Variants in TENM2 observed in about 807,000 individuals in gnomAD.
TENM2 encodes the protein teneurin-2.
In TENM2, 52 loss-of-function variants were observed where a neutral mutation model predicts 245.2. That is an observed-to-expected ratio of 0.21 (90% CI 0.17 to 0.27). The LOEUF is 0.27. Among genes scored for constraint, TENM2 ranks in the 10% least tolerant of loss-of-function variants. The probability of loss-of-function intolerance (pLI) is 1.00; values close to 1 mark genes in which losing one functional copy is unlikely to be tolerated. For missense variants in TENM2, 3,046 were observed against 3,666.8 expected, an observed-to-expected ratio of 0.83 and a Z score of 4.37; for synonymous variants, 1,363 against 1,438.9, an observed-to-expected ratio of 0.95 and a Z score of 1.19.
chr5:167,296,847 G>C (rs1422949259), intron 1 of TENM2, among the ~76,000 whole-genome samples: 2 of 152,208 alleles, frequency 1.3e-5, no homozygotes, highest in African/African-American at 2.4e-5. Context: ...CAGCAGGGAG[G>C]CTACAGCAAA....
At chr5:167,843,097 T>C (rs1769701657) in intron 2 of TENM2, among the ~76,000 whole-genome samples, 2 of 152,180 alleles carry the variant, frequency 1.3e-5, no homozygotes, top group Admixed American at 1.3e-4. Context: ...TTGCCTGCCA[T>C]TGTGTCCTCA....
chr5:167,227,795 T>A, the TENM2 span, among the ~76,000 whole-genome samples: 75 of 152,346 alleles, frequency 4.9e-4, no homozygotes, highest in African/African-American at 1.6e-3. Flanking sequence ...GATGTCTAAA[T>A]GTCTTGCTAA....
At chr5:168,061,594 A>T (rs549979552) in intron 6 of TENM2, among the ~76,000 whole-genome samples, 1 of 152,106 alleles carries the variant, frequency 6.6e-6, no homozygotes, top group Non-Finnish European at 1.5e-5. Flanking sequence ...TTCATTTTCT[A>T]CTGAGTTGTT....
intron 19 of TENM2, among the ~76,000 whole-genome samples, chr5:168,204,864 C>T (rs1228943137): frequency 6.6e-6 from 1 of 152,242 alleles, no homozygotes; most frequent in Non-Finnish European, 1.5e-5. Flanking sequence ...AGTCTCCAGA[C>T]TGGAGAACAA....
At chr5:166,996,388 A>G in the TENM2 span, among the ~76,000 whole-genome samples, 1 of 152,186 alleles carries the variant, frequency 6.6e-6, no homozygotes, top group Non-Finnish European at 1.5e-5. Flanking sequence ...CAAACAAACG[A>G]AAAACAATTA....
chr5:167,600,058 A>AAAAAAAAAAAAAAAAAAAAAAAAG (rs1554088005), intron 2 of TENM2, among the ~76,000 whole-genome samples: 1 of 152,012 alleles, frequency 6.6e-6, no homozygotes, highest in Non-Finnish European at 1.5e-5. Context: ...AGGCGGGAGA[A>AAAAAAAAAAAAAAAAAAAAAAAAG]TTGCTTGAAC....
chr5:167,522,066 C>T (rs1562024027), intron 2 of TENM2, among the ~76,000 whole-genome samples: 3 of 152,094 alleles, frequency 2.0e-5, no homozygotes, highest in Non-Finnish European at 2.9e-5. Context: ...TTTCATTTCT[C>T]CCTTCTCTTT....
intron 5 of TENM2, among the ~76,000 whole-genome samples, chr5:168,019,947 G>C (rs1785996800): frequency 6.6e-6 from 1 of 152,228 alleles, no homozygotes; most frequent in African/African-American, 2.4e-5. Context: ...CTAAGAGCAA[G>C]GAACAGTGGA....
the TENM2 span, among the ~76,000 whole-genome samples, chr5:167,243,127 A>G: frequency 1.3e-5 from 2 of 152,250 alleles, no homozygotes; most frequent in African/African-American, 4.8e-5. Flanking sequence ...CAGCTTCTAG[A>G]GATTCTTAAA....
chr5:167,077,480 T>C, the TENM2 span, among the ~76,000 whole-genome samples: 1 of 152,244 alleles, frequency 6.6e-6, no homozygotes. Context: ...TCTTTCAGTC[T>C]GTTACTCCAG....
At chr5:167,080,923 T>C in the TENM2 span, among the ~76,000 whole-genome samples, 4 of 152,090 alleles carry the variant, frequency 2.6e-5, no homozygotes, top group Non-Finnish European at 5.9e-5. Context: ...TAATAGTGGT[T>C]ATTTCTGGAA....
At chr5:167,884,255 A>C (rs1477773615) in intron 3 of TENM2, among the ~76,000 whole-genome samples, 1 of 152,216 alleles carries the variant, frequency 6.6e-6, no homozygotes, top group Non-Finnish European at 1.5e-5. Context: ...GGGCAAATAT[A>C]TATAACATGA....
At chr5:167,259,214 C>T in the TENM2 span, among the ~76,000 whole-genome samples, 5 of 151,938 alleles carry the variant, frequency 3.3e-5, no homozygotes, top group African/African-American at 7.3e-5. Context: ...GCAGGTAATG[C>T]GAATGATGGA....
chr5:168,015,530 T>C (rs1367520419), intron 5 of TENM2, among the ~76,000 whole-genome samples: 2 of 152,224 alleles, frequency 1.3e-5, no homozygotes, highest in Non-Finnish European at 2.9e-5. Context: ...AGAGAAAGAA[T>C]GCCGCAAAGA....
chr5:167,798,094 G>A (rs1363081728), intron 2 of TENM2, among the ~76,000 whole-genome samples: 6 of 152,142 alleles, frequency 3.9e-5, no homozygotes, highest in African/African-American at 7.2e-5. Flanking sequence ...CCTCTTTACC[G>A]ATGAAAGAAT....
intron 2 of TENM2, among the ~76,000 whole-genome samples, chr5:167,734,856 C>T (rs1280290237): frequency 6.6e-6 from 1 of 150,626 alleles, no homozygotes; most frequent in Admixed American, 6.6e-5. Flanking sequence ...GTCTCCCTTC[C>T]TTCCTTCATC....
At chr5:167,380,175 C>T (rs2127329175) in intron 2 of TENM2, among the ~76,000 whole-genome samples, 1 of 152,148 alleles carries the variant, frequency 6.6e-6, no homozygotes, top group East Asian at 1.9e-4. Flanking sequence ...ATTCAATTCC[C>T]TCAAAGTCCA....
chr5:167,205,010 A>T, the TENM2 span, among the ~76,000 whole-genome samples: 1 of 152,186 alleles, frequency 6.6e-6, no homozygotes, highest in Non-Finnish European at 1.5e-5. Context: ...TATGTGCCCC[A>T]CTGGTTTAGT....
chr5:167,118,952 A>G, the TENM2 span, among the ~76,000 whole-genome samples: 1 of 152,178 alleles, frequency 6.6e-6, no homozygotes, highest in Non-Finnish European at 1.5e-5. Context: ...AGTTCTAATA[A>G]TTGGTTCTAC....
Sources: gnomAD v4.1 joint callset for allele counts (sites outside exome capture counted in the v4.1 genomes callset) on GRCh38, gnomAD v4.1.1 for gene constraint, MANE v1.5 for transcripts, NCBI Gene and HGNC (gene_info 2026-07-23, HGNC 2026-07-21) for gene names.